Variants in ST8SIA4 observed in about 807,000 individuals in gnomAD.
ST8SIA4 encodes the protein ST8 alpha-N-acetyl-neuraminide alpha-2,8-sialyltransferase 4.
A neutral mutation model predicts 33.9 loss-of-function variants in ST8SIA4; 15 were observed. The ratio of observed to expected loss-of-function variants is 0.44; its 90% CI spans 0.30 to 0.68. The LOEUF (loss-of-function observed/expected upper bound fraction) is 0.68. Among genes scored for constraint, ST8SIA4 ranks in the 30% least tolerant of loss-of-function variants. The pLI, the probability that ST8SIA4 is intolerant of heterozygous loss-of-function variation, is 0.10. For synonymous variants in ST8SIA4, 171 were observed against 151.2 expected (o/e 1.13, Z -0.96); for missense variants, 321 against 428.0 (o/e 0.75, Z 2.21).
rs550587661 is a variant in ST8SIA4, at chr5:100,839,515, A to C, written c.797+16588T>G. Among the ~76,000 whole-genome samples, 9 of 152,014 alleles carry C rather than the reference A, an allele frequency of 5.9e-5. No individual in the cohort carries two copies. In the South Asian group the frequency reaches 1.0e-3, roughly 17 times the overall value. On this transcript the variant is annotated intron_variant, in intron 4 of 4. Coordinates refer to ENST00000231461, the MANE Select transcript of ST8SIA4 (RefSeq NM_005668.6). Reference sequence around the variant, plus strand: ...TTAAAAACTTGGGTCCAAAGTTTGAACTATAAATCCCTAGCTACAAAGGCA... The same window carrying C: ...TTAAAAACTTGGGTCCAAAGTTTGACCTATAAATCCCTAGCTACAAAGGCA...
chr5:100,884,200 G>A (rs1277843683), intron 3 of ST8SIA4, among the ~76,000 whole-genome samples: 1 of 152,118 alleles, frequency 6.6e-6, no homozygotes, highest in East Asian at 1.9e-4. Flanking sequence ...CTAAAAAGTA[G>A]GCATGAAATT....
intron 4 of ST8SIA4, among the ~76,000 whole-genome samples, chr5:100,834,446 T>C (rs1751324001): frequency 6.6e-6 from 1 of 152,222 alleles, no homozygotes; most frequent in East Asian, 1.9e-4. Flanking sequence ...AAAGGTATTA[T>C]TATGGTATTT....
chr5:100,900,196 A>G (rs1752870811), intron 1 of ST8SIA4: 4 of 337,336 alleles, frequency 1.2e-5, no homozygotes, highest in Non-Finnish European at 2.4e-5. Context: ...CAGAAAAGCT[A>G]AATATGAATC....
intron 4 of ST8SIA4, among the ~76,000 whole-genome samples, chr5:100,839,587 C>G (rs1409298243): frequency 6.6e-6 from 1 of 151,902 alleles, no homozygotes; most frequent in African/African-American, 2.4e-5. Context: ...ATAATCTTCT[C>G]TTTATCTCTG....
chr5:100,863,235 A>G (rs1441117179), intron 3 of ST8SIA4, among the ~76,000 whole-genome samples: 1 of 152,208 alleles, frequency 6.6e-6, no homozygotes, highest in Non-Finnish European at 1.5e-5. Flanking sequence ...AAGGAAAATA[A>G]AAGGTTGATT....
At position 100,818,493 on chromosome 5, in the gene ST8SIA4, T is replaced by C. The variant is rs192111062; in HGVS notation, c.798-6364A>G. On this transcript the variant is annotated intron_variant, in intron 4 of 4. Transcript: ENST00000231461. Reference sequence around the variant, plus strand: ...CACTATATATTTTACTTAACCACATTGCAAATGACAAAGGCAATGACATTG... The same window carrying C: ...CACTATATATTTTACTTAACCACATCGCAAATGACAAAGGCAATGACATTG... Among the ~76,000 whole-genome samples the C allele has an allele frequency of 2.6e-3, 393 of 152,310 alleles. 1 individual carries two copies. The highest frequency in any genetic ancestry group is 4.6e-3 in the Non-Finnish European group (314 of 68,012).
chr5:100,831,750 A>G (rs1176763174), intron 4 of ST8SIA4, among the ~76,000 whole-genome samples: 1 of 152,168 alleles, frequency 6.6e-6, no homozygotes, highest in Non-Finnish European at 1.5e-5. Flanking sequence ...AAATGCTCCT[A>G]TATGAGTTGG....
At chr5:100,894,174 C>G (rs1387097755) in intron 2 of ST8SIA4, among the ~76,000 whole-genome samples, 1 of 152,088 alleles carries the variant, frequency 6.6e-6, no homozygotes, top group East Asian at 1.9e-4. Context: ...GAGACCATGA[C>G]TAGTGTCAGC....
chr5:100,837,010 A>G (rs1751377425), intron 4 of ST8SIA4, among the ~76,000 whole-genome samples: 1 of 151,508 alleles, frequency 6.6e-6, no homozygotes, highest in South Asian at 2.1e-4. Flanking sequence ...ACACACACAC[A>G]CACACACACA....
At position 100,808,358 on chromosome 5, in the gene ST8SIA4, A is replaced by T. The variant is rs1227609057; in HGVS notation, c.*3489T>A. On this transcript the variant is annotated 3_prime_UTR_variant, in exon 5 of 5. Coordinates refer to ENST00000231461, the MANE Select transcript of ST8SIA4 (RefSeq NM_005668.6). ...CCAGCACCTTCTTTCAGATAGAAAA[A>T]CTTCCGCAGTAGTTTCAACAGTCCT... 1.3e-5 allele frequency: 2 copies of T among 152,634 alleles called. No homozygotes were observed. Among genetic ancestry groups the T allele is most frequent in the Non-Finnish European group, 2.9e-5 (2 of 68,028 alleles). The allele number at this position is 152,634 out of a possible 1,614,324, so 9.5% of individuals were successfully genotyped here.
At chr5:100,863,144 A>G (rs1751984088) in intron 3 of ST8SIA4, among the ~76,000 whole-genome samples, 1 of 152,194 alleles carries the variant, frequency 6.6e-6, no homozygotes, top group Non-Finnish European at 1.5e-5. Context: ...GCATGCAGAA[A>G]GTCACTCCCA....
At chr5:100,864,593 A>AAG (rs1752023834) in intron 3 of ST8SIA4, among the ~76,000 whole-genome samples, 1 of 147,948 alleles carries the variant, frequency 6.8e-6, no homozygotes, top group East Asian at 2.0e-4. Flanking sequence ...AAAAAAAAAA[A>AAG]AAAAAAAAAA....
chr5:100,863,152 C>T (rs1039048707), intron 3 of ST8SIA4, among the ~76,000 whole-genome samples: 2 of 152,044 alleles, frequency 1.3e-5, no homozygotes, highest in African/African-American at 4.8e-5. Context: ...AAAGTCACTC[C>T]CAGGTAGGAA....
chr5:100,820,856 GA>G (rs1751018894), intron 4 of ST8SIA4, among the ~76,000 whole-genome samples: 1 of 152,120 alleles, frequency 6.6e-6, no homozygotes, highest in Non-Finnish European at 1.5e-5. Context: ...TTGTCAAAGA[GA>G]ATGCTTAAAA....
rs117455627 is a variant in ST8SIA4, at chr5:100,886,997, T to C, written c.246-397A>G. On this transcript the variant is annotated intron_variant, in intron 2 of 4. Transcript: ENST00000231461. ...TTTGATAGTCATAAGTGTTGTTTAATATCATCTAGTTAAGGTGGAGAGAAA... is the reference window on the plus strand; with the variant it reads ...TTTGATAGTCATAAGTGTTGTTTAACATCATCTAGTTAAGGTGGAGAGAAA... 5.4e-4 allele frequency among the ~76,000 whole-genome samples: 82 copies of C among 152,206 alleles called. No homozygotes were observed. The East Asian group carries it at 0.015, about 28-fold the overall frequency.
At chr5:100,826,048 T>C (rs561962116) in intron 4 of ST8SIA4, among the ~76,000 whole-genome samples, 1 of 152,342 alleles carries the variant, frequency 6.6e-6, no homozygotes, top group South Asian at 2.1e-4. Context: ...ATTTCCAGAA[T>C]TCTAGTTCTT....
chr5:100,833,034 G>A (rs182968596), intron 4 of ST8SIA4, among the ~76,000 whole-genome samples: 7 of 152,238 alleles, frequency 4.6e-5, no homozygotes, highest in African/African-American at 1.7e-4. Context: ...TATACATCGT[G>A]CTATGCATTC....
At chr5:100,843,466 T>C (rs1241775700) in intron 4 of ST8SIA4, among the ~76,000 whole-genome samples, 1 of 151,920 alleles carries the variant, frequency 6.6e-6, no homozygotes, top group Non-Finnish European at 1.5e-5. Context: ...TGGAAGCAGG[T>C]AAGAACTGAG....
Position 100,811,827 on chromosome 5 carries a change from T to G in ST8SIA4, c.*20A>C. Reference sequence around the variant, plus strand: ...GCATCTTCAGAAAAGAAGTGCATATTGTTTGTTTCAAAATGTGCTTTATTG... The same window carrying G: ...GCATCTTCAGAAAAGAAGTGCATATGGTTTGTTTCAAAATGTGCTTTATTG... On this transcript the variant is annotated 3_prime_UTR_variant, in exon 5 of 5. Transcript: ENST00000231461. 1.3e-6 allele frequency: 2 copies of G among 1,584,964 alleles called. No homozygotes were observed. Among genetic ancestry groups the G allele is most frequent in the Non-Finnish European group, 1.7e-6 (2 of 1,166,032 alleles).
Sources: allele counts gnomAD v4.1 joint callset (sites outside exome capture counted in the v4.1 genomes callset), GRCh38; gene constraint gnomAD v4.1.1; transcripts MANE v1.5; gene names NCBI Gene and HGNC (gene_info 2026-07-23, HGNC 2026-07-21).